The following CCDC71L variants were observed in gnomAD, a reference collection of about 807,000 sequenced individuals.
CCDC71L encodes coiled-coil domain containing 71 like, also known as coiled-coil domain-containing protein 71L.
In CCDC71L, 6 loss-of-function variants were observed where a neutral mutation model predicts 10.2. The observed-to-expected ratio is 0.59, with a 90% confidence interval of 0.32 to 1.16. The LOEUF is 1.16. CCDC71L is among the 50% of genes most tolerant of loss of function. CCDC71L has a pLI of 0.05. For missense variants in CCDC71L, 366 were observed against 383.4 expected, an observed-to-expected ratio of 0.95 and a Z score of 0.38; for synonymous variants, 204 against 175.5, an observed-to-expected ratio of 1.16 and a Z score of -1.28.
At position 106,660,214 on chromosome 7, in the gene CCDC71L, C is replaced by T. The variant is rs1279578205; in HGVS notation, c.683G>A (p.Arg228His). ...TCATGCCCGGGGCACCGGGAAGCGG[C>T]GGAGCCTCACCATGGGTTCCAGGTT... ...RVNLEPMVRL[R>H]RFPVPRA The change falls in exon 1 of 1, where the codon CGC (arginine) becomes CAC (histidine). Residue 228 changes from arginine (R) to histidine (H), a missense_variant. Transcript: ENST00000523505. This position sits in a 1 kb window ranked among gnomAD's most constrained non-coding sequence, Gnocchi z 7.5. 9 of 1,571,552 alleles carry T rather than the reference C, an allele frequency of 5.7e-6. No individual in the cohort carries two copies. The highest frequency in any genetic ancestry group is 7.7e-6 in the Non-Finnish European group (9 of 1,168,830).
rs1178930734 is a variant in CCDC71L, at chr7:106,656,931, AT to A, written c.*3257del. ...AAGACATAACACTCTATCAAAAAAT[AT>A]TTTAAACACACCAATAAATATTAGG... On this transcript the variant is annotated 3_prime_UTR_variant, in exon 1 of 1. Transcript: ENST00000523505. The A allele has an allele frequency of 6.6e-6, 1 of 152,218 alleles. No individual in the cohort carries two copies. Among genetic ancestry groups the A allele is most frequent in the Non-Finnish European group, 1.5e-5 (1 of 68,026 alleles). 9.4% of individuals were successfully genotyped at this position (152,218 alleles called of 1,614,324 possible). A position where few individuals can be genotyped will look rare whatever the true frequency, so the allele number is the denominator to read the frequency against.
chr7:106,660,839 C>A lies in CCDC71L; in HGVS notation c.58G>T (p.Ala20Ser), dbSNP rs1052525650. Residue 20 changes from alanine to serine, a missense_variant, in exon 1 of 1, where the codon GCC becomes TCC. By Grantham distance (99) the Ala-to-Ser change is moderately conservative. Transcript: ENST00000523505. This position sits in a 1 kb window ranked among gnomAD's most constrained non-coding sequence, Gnocchi z 7.5. ...TCTGCCCTAAAGTCGCCGCCCCGGG[C>A]GGCCGTGGCCGGGGCGACCGGGCGC... ...RRRPVAPATAARGGDFRAEDG... is the reference protein window; with the variant it reads ...RRRPVAPATASRGGDFRAEDG... 5.8e-5 allele frequency: 87 copies of A among 1,507,850 alleles called. No individual in the cohort carries two copies. Among genetic ancestry groups the A allele is most frequent in the Non-Finnish European group, 7.3e-5 (83 of 1,131,616 alleles). The allele number at this position is 1,507,850 out of a possible 1,614,324, so 93.4% of individuals were successfully genotyped here. A position where few individuals can be genotyped will look rare whatever the true frequency, so the allele number is the denominator to read the frequency against.
rs1422658253 is a variant in CCDC71L at position 106,660,179 on chromosome 7, A to G, written c.*10T>C. 2.0e-6 allele frequency: 3 copies of G among 1,534,004 alleles called. No homozygotes were observed. Among genetic ancestry groups the G allele is most frequent in the Non-Finnish European group, 8.7e-7 (1 of 1,151,576 alleles). ...TCGGGGCCGGCAGGAGGCGCCCTGGAGGCCGCACCTCATGCCCGGGGCACC... is the reference window on the plus strand; with the variant it reads ...TCGGGGCCGGCAGGAGGCGCCCTGGGGGCCGCACCTCATGCCCGGGGCACC... On this transcript the variant is annotated 3_prime_UTR_variant, in exon 1 of 1. Coordinates refer to ENST00000523505, the MANE Select transcript of CCDC71L (RefSeq NM_175884.6). The surrounding 1 kb of genome is among the most constrained non-coding windows in gnomAD (Gnocchi z 7.5).
At position 106,655,213 on chromosome 7, in the gene CCDC71L, A is replaced by C. The variant is rs892117634; in HGVS notation, c.*4976T>G. Among the ~76,000 whole-genome samples, 2 of 152,136 alleles carry C rather than the reference A, an allele frequency of 1.3e-5. No homozygotes were observed. The highest frequency in any genetic ancestry group is 2.9e-5 in the Non-Finnish European group (2 of 67,980). ...AAATCTGCAATTAGGCTCAATTTTT[A>C]GCTTCTTGTTCTTGTATGACTTTCA... On this transcript the variant is annotated 3_prime_UTR_variant, in exon 1 of 1. Transcript: ENST00000523505.
In CCDC71L at chr7:106,660,413, G is replaced by A. The variant is rs1474523503; in HGVS notation, c.484C>T (p.Pro162Ser). ...PPPPPPEESC[P>S]AKPVAPGPCF... ...GGCCCGGGGGCCACGGGCTTGGCCG[G>A]GCAGCTCTCCTCGGGGGGCGGCGGC... Residue 162 changes from proline (P) to serine (S), a missense_variant, in exon 1 of 1, where the codon CCG becomes TCG. Coordinates refer to ENST00000523505, the MANE Select transcript of CCDC71L (RefSeq NM_175884.6). This position sits in a 1 kb window ranked among gnomAD's most constrained non-coding sequence, Gnocchi z 7.5. The A allele has an allele frequency of 6.3e-6, 8 of 1,274,338 alleles. No individual in the cohort carries two copies. Among genetic ancestry groups the A allele is most frequent in the Non-Finnish European group, 7.9e-6 (8 of 1,011,412 alleles). 78.9% of individuals were successfully genotyped at this position (1,274,338 alleles called of 1,614,324 possible).
chr7:106,660,228 G>T lies in CCDC71L; in HGVS notation c.669C>A (p.Pro223=), dbSNP rs1262457489. Residue 223 remains proline (P), a synonymous_variant, in exon 1 of 1, where the codon CCC becomes CCA. Coordinates refer to ENST00000523505, the MANE Select transcript of CCDC71L (RefSeq NM_175884.6). The surrounding 1 kb of genome is among the most constrained non-coding windows in gnomAD (Gnocchi z 7.5). The part of the protein sequence containing the change: ...ARQVLRVNLE[P]MVRLRRFPVP... ...CCGGGAAGCGGCGGAGCCTCACCAT[G>T]GGTTCCAGGTTCACTCGCAGGACCT... The T allele has an allele frequency of 6.3e-7, 1 of 1,578,184 alleles. No homozygotes were observed. The highest frequency in any genetic ancestry group is 2.4e-5 in the East Asian group (1 of 42,360).
At position 106,660,086 on chromosome 7, in the gene CCDC71L, C is replaced by T; in HGVS notation, c.*103G>A. 9 of 1,353,624 alleles carry T rather than the reference C, an allele frequency of 6.6e-6. No individual in the cohort carries two copies. Among genetic ancestry groups the T allele is most frequent in the Non-Finnish European group, 8.6e-6 (9 of 1,048,846 alleles). The allele number at this position is 1,353,624 out of a possible 1,614,324, so 83.9% of individuals were successfully genotyped here. A position where few individuals can be genotyped will look rare whatever the true frequency, so the allele number is the denominator to read the frequency against. On this transcript the variant is annotated 3_prime_UTR_variant, in exon 1 of 1. Transcript: ENST00000523505. This position sits in a 1 kb window ranked among gnomAD's most constrained non-coding sequence, Gnocchi z 7.5. ...CGTAAAGTGCATTGGGGGCCGGGGT[C>T]CTGGCCGGATCTGTAAACACTCGAC...
In CCDC71L at chr7:106,654,947, T is replaced by G. The variant is rs1030432768; in HGVS notation, c.*5242A>C. On this transcript the variant is annotated 3_prime_UTR_variant, in exon 1 of 1. Coordinates refer to ENST00000523505, the MANE Select transcript of CCDC71L (RefSeq NM_175884.6). ...GTACACATTTTACAGTTAATTGTAC[T>G]ACTTGGAAGAATCTCAATTTAACTT... Among the ~76,000 whole-genome samples the G allele has an allele frequency of 2.0e-5, 3 of 152,184 alleles. No homozygotes were observed. Among genetic ancestry groups the G allele is most frequent in the African/African-American group, 7.2e-5 (3 of 41,446 alleles).
Position 106,660,996 on chromosome 7 carries a change from C to G in CCDC71L, c.-100G>C. 1 of 1,288,912 alleles carries G rather than the reference C, an allele frequency of 7.8e-7. No homozygotes were observed. Among genetic ancestry groups the G allele is most frequent in the Non-Finnish European group, 9.8e-7 (1 of 1,019,808 alleles). The allele number at this position is 1,288,912 out of a possible 1,614,324, so 79.8% of individuals were successfully genotyped here. On this transcript the variant is annotated 5_prime_UTR_variant, in exon 1 of 1. Transcript: ENST00000523505. This position sits in a 1 kb window ranked among gnomAD's most constrained non-coding sequence, Gnocchi z 7.5. ...GCGGCGGCGGCTGCTGCTGGCGTCT[C>G]TCGCTACTTTTCTCGCCTCCGCCGC...
chr7:106,657,279 G>C lies in CCDC71L; in HGVS notation c.*2910C>G, dbSNP rs1792506882. 1 of 152,080 alleles carries C rather than the reference G, an allele frequency of 6.6e-6. No homozygotes were observed. The allele number at this position is 152,080 out of a possible 1,614,324, so 9.4% of individuals were successfully genotyped here. On this transcript the variant is annotated 3_prime_UTR_variant, in exon 1 of 1. Transcript: ENST00000523505. ...TTAGTAACATAAAAATACATTGCTG[G>C]TTGACAGGAAGGATAAAAATGACAT...
chr7:106,660,933 C>G lies in CCDC71L; in HGVS notation c.-37G>C. ...CCGGGCCACTCACGCTCGCCGGGTCCCACTACTGCCGCCGCCGTCCCAGTC... is the reference window on the plus strand; with the variant it reads ...CCGGGCCACTCACGCTCGCCGGGTCGCACTACTGCCGCCGCCGTCCCAGTC... On this transcript the variant is annotated 5_prime_UTR_variant, in exon 1 of 1. Coordinates refer to ENST00000523505, the MANE Select transcript of CCDC71L (RefSeq NM_175884.6). This position sits in a 1 kb window ranked among gnomAD's most constrained non-coding sequence, Gnocchi z 7.5. 6.8e-6 allele frequency: 9 copies of G among 1,320,748 alleles called. No individual in the cohort carries two copies. The highest frequency in any genetic ancestry group is 8.7e-6 in the Non-Finnish European group (9 of 1,037,222). 81.8% of individuals were successfully genotyped at this position (1,320,748 alleles called of 1,614,324 possible).
chr7:106,660,632 A>T lies in CCDC71L; in HGVS notation c.265T>A (p.Ser89Thr). 1 of 1,590,094 alleles carries T rather than the reference A, an allele frequency of 6.3e-7. No individual in the cohort carries two copies. Among genetic ancestry groups the T allele is most frequent in the Non-Finnish European group, 8.6e-7 (1 of 1,168,760 alleles). Residue 89 changes from serine (S) to threonine (T), a missense_variant, in exon 1 of 1, where the codon TCC becomes ACC. Ser to Thr is a moderately conservative substitution (Grantham distance 58). Coordinates refer to ENST00000523505, the MANE Select transcript of CCDC71L (RefSeq NM_175884.6). The surrounding 1 kb of genome is among the most constrained non-coding windows in gnomAD (Gnocchi z 7.5). Reference protein sequence around the residue: ...SFLCSLKHQFSPHILRSKDVY... With the variant: ...SFLCSLKHQFTPHILRSKDVY... ...TCCTTGCTGCGCAGGATGTGCGGGG[A>T]GAACTGGTGCTTGAGGCTGCAGAGG...
chr7:106,658,566 CAT>C lies in CCDC71L; in HGVS notation c.*1621_*1622del, dbSNP rs1014736004. The C allele has an allele frequency of 6.0e-4, 92 of 152,662 alleles. No homozygotes were observed. Among genetic ancestry groups the C allele is most frequent in the African/African-American group, 1.7e-3 (71 of 41,536 alleles). The allele number at this position is 152,662 out of a possible 1,614,324, so 9.5% of individuals were successfully genotyped here. A position where few individuals can be genotyped will look rare whatever the true frequency, so the allele number is the denominator to read the frequency against. On this transcript the variant is annotated 3_prime_UTR_variant, in exon 1 of 1. Coordinates refer to ENST00000523505, the MANE Select transcript of CCDC71L (RefSeq NM_175884.6). Reference sequence around the variant, plus strand: ...ATAAGCTTTAGTATTAAAGATTTCACATGTCAAGTTCCAGCCCAGTATGGATC... The same window carrying C: ...ATAAGCTTTAGTATTAAAGATTTCACGTCAAGTTCCAGCCCAGTATGGATC...
chr7:106,660,078 G>A lies in CCDC71L; in HGVS notation c.*111C>T. 1 of 1,319,284 alleles carries A rather than the reference G, an allele frequency of 7.6e-7. No homozygotes were observed. Among genetic ancestry groups the A allele is most frequent in the Non-Finnish European group, 9.8e-7 (1 of 1,021,208 alleles). 81.7% of individuals were successfully genotyped at this position (1,319,284 alleles called of 1,614,324 possible). On this transcript the variant is annotated 3_prime_UTR_variant, in exon 1 of 1. Transcript: ENST00000523505. The surrounding 1 kb of genome is among the most constrained non-coding windows in gnomAD (Gnocchi z 7.5). ...TCTTCGCGCGTAAAGTGCATTGGGG[G>A]CCGGGGTCCTGGCCGGATCTGTAAA...
rs1025531644 is a variant in CCDC71L, at chr7:106,655,373, A to G, written c.*4816T>C. On this transcript the variant is annotated 3_prime_UTR_variant, in exon 1 of 1. Transcript: ENST00000523505. Reference sequence around the variant, plus strand: ...CTAAATTACAGGCTTTATATCTGACATCCAAAAATGAGTGTGTCAATGCTT... The same window carrying G: ...CTAAATTACAGGCTTTATATCTGACGTCCAAAAATGAGTGTGTCAATGCTT... Among the ~76,000 whole-genome samples the G allele has an allele frequency of 6.6e-6, 1 of 152,204 alleles. No homozygotes were observed. The highest frequency in any genetic ancestry group is 2.4e-5 in the African/African-American group (1 of 41,460).
chr7:106,655,999 A>G lies in CCDC71L; in HGVS notation c.*4190T>C, dbSNP rs1792484715. On this transcript the variant is annotated 3_prime_UTR_variant, in exon 1 of 1. Coordinates refer to ENST00000523505, the MANE Select transcript of CCDC71L (RefSeq NM_175884.6). ...TAAGAGCATTTATTTAGTACTTCCT[A>G]TGTGTCTAGCATTACTACCCTTTGA... is the stretch of plus-strand genomic sequence containing the variant. Among the ~76,000 whole-genome samples the G allele has an allele frequency of 6.6e-6, 1 of 152,130 alleles. No homozygotes were observed. The highest frequency in any genetic ancestry group is 1.5e-5 in the Non-Finnish European group (1 of 68,002).
chr7:106,660,975 C>T lies in CCDC71L; in HGVS notation c.-79G>A. ...GTCCCAGTCCGCGTTGGCTCCGCGGCGGCGGCTGCTGCTGGCGTCTCTCGC... is the reference window on the plus strand; with the variant it reads ...GTCCCAGTCCGCGTTGGCTCCGCGGTGGCGGCTGCTGCTGGCGTCTCTCGC... On this transcript the variant is annotated 5_prime_UTR_variant, in exon 1 of 1. Transcript: ENST00000523505. This position sits in a 1 kb window ranked among gnomAD's most constrained non-coding sequence, Gnocchi z 7.5. 7.7e-7 allele frequency: 1 copy of T among 1,294,878 alleles called. No individual in the cohort carries two copies. The highest frequency in any genetic ancestry group is 2.5e-5 in the South Asian group (1 of 39,702). The allele number at this position is 1,294,878 out of a possible 1,614,324, so 80.2% of individuals were successfully genotyped here.
Position 106,660,842 on chromosome 7 carries a change from C to CCA in CCDC71L, c.54_55insTG (p.Ala19TrpfsTer54). ...GCCCTAAAGTCGCCGCCCCGGGCGG[C>CCA]CGTGGCCGGGGCGACCGGGCGCCGG... On this transcript the variant is annotated frameshift_variant, in exon 1 of 1. Coordinates refer to ENST00000523505, the MANE Select transcript of CCDC71L (RefSeq NM_175884.6). LOFTEE classifies it high-confidence loss of function. The surrounding 1 kb of genome is among the most constrained non-coding windows in gnomAD (Gnocchi z 7.5). 6.6e-7 allele frequency: 1 copy of CCA among 1,508,066 alleles called. No individual in the cohort carries two copies. The highest frequency in any genetic ancestry group is 1.3e-5 in the South Asian group (1 of 79,636). 93.4% of individuals were successfully genotyped at this position (1,508,066 alleles called of 1,614,324 possible).
At position 106,661,015 on chromosome 7, in the gene CCDC71L, C is replaced by T; in HGVS notation, c.-119G>A. 1 of 1,263,402 alleles carries T rather than the reference C, an allele frequency of 7.9e-7. No individual in the cohort carries two copies. The highest frequency in any genetic ancestry group is 1.0e-6 in the Non-Finnish European group (1 of 996,440). The allele number at this position is 1,263,402 out of a possible 1,614,324, so 78.3% of individuals were successfully genotyped here. On this transcript the variant is annotated 5_prime_UTR_variant, in exon 1 of 1. Transcript: ENST00000523505. Reference sequence around the variant, plus strand: ...GCGTCTCTCGCTACTTTTCTCGCCTCCGCCGCCGCCCCTCCCCCTCCGAGG... The same window carrying T: ...GCGTCTCTCGCTACTTTTCTCGCCTTCGCCGCCGCCCCTCCCCCTCCGAGG...
Sources: allele counts gnomAD v4.1 joint callset (sites outside exome capture counted in the v4.1 genomes callset), GRCh38; gene constraint gnomAD v4.1.1; non-coding constraint Gnocchi (gnomAD v3.1); transcripts MANE v1.5; gene names NCBI Gene and HGNC (gene_info 2026-07-23, HGNC 2026-07-21).